Variants in ELP3 observed in about 807,000 individuals in gnomAD.
ELP3 encodes elongator complex protein 3.
ELP3 carries 56 observed loss-of-function variants against 74.9 expected under a neutral mutation model. That is an observed-to-expected ratio of 0.75 (90% CI 0.60 to 0.93). The LOEUF (loss-of-function observed/expected upper bound fraction) is 0.93, where lower values mean the gene tolerates loss of function less well. Among genes scored for constraint, ELP3 ranks in the 40% least tolerant of loss-of-function variants. ELP3 has a pLI of 0.00. For missense variants in ELP3, 573 were observed against 686.5 expected, an observed-to-expected ratio of 0.83 and a Z score of 1.85; for synonymous variants, 222 against 239.8, an observed-to-expected ratio of 0.93 and a Z score of 0.68.
At chr8:28,121,324 A>ATT (rs1179833962) in intron 7 of ELP3, among the ~76,000 whole-genome samples, 1 of 137,292 alleles carries the variant, frequency 7.3e-6, no homozygotes, top group Non-Finnish European at 1.5e-5. Context: ...TATTATTATT[A>ATT]TTTTTTTTTT....
chr8:28,119,221 C>G (rs768071944), intron 7 of ELP3, among the ~76,000 whole-genome samples: 4 of 152,026 alleles, frequency 2.6e-5, no homozygotes, highest in Non-Finnish European at 4.4e-5. Context: ...TTAACATTGG[C>G]CAGAGAACAT....
chr8:28,124,142 A>C (rs1304373678), intron 7 of ELP3, among the ~76,000 whole-genome samples: 2 of 152,146 alleles, frequency 1.3e-5, no homozygotes, highest in African/African-American at 4.8e-5. Context: ...AATTCTTTAT[A>C]ATGTATTTTT....
intron 7 of ELP3, among the ~76,000 whole-genome samples, chr8:28,128,122 C>G (rs780313397): frequency 6.6e-6 from 1 of 151,990 alleles, no homozygotes; most frequent in Non-Finnish European, 1.5e-5. Context: ...TCATCCTCCC[C>G]CCAAAATTGA....
At chr8:28,092,203 G>A (rs117862956), upstream of ELP3, among the ~76,000 whole-genome samples, 838 of 151,468 alleles carry the variant, frequency 5.5e-3, 6 homozygotes, top group African/African-American at 0.019. Context: ...CAGTTTTTGC[G>A]TGACTCAGTT....
At chr8:28,178,377 C>CCTAA (rs139776193) in intron 14 of ELP3, among the ~76,000 whole-genome samples, 1,560 of 152,282 alleles carry the variant, frequency 0.01, 23 homozygotes, top group African/African-American at 0.031. Context: ...TTCCCAGTAT[C>CCTAA]CTAACTTTTT....
At chr8:28,183,935 C>A (rs1015425153) in intron 14 of ELP3, among the ~76,000 whole-genome samples, 1 of 152,216 alleles carries the variant, frequency 6.6e-6, no homozygotes, top group Non-Finnish European at 1.5e-5. Flanking sequence ...TCCAGGCAGC[C>A]TGCATGTCAG....
At position 28,144,089 on chromosome 8, in the gene ELP3, A is replaced by G. The variant is rs549356604; in HGVS notation, c.1100+6198A>G. 1.1e-4 allele frequency among the ~76,000 whole-genome samples: 17 copies of G among 152,216 alleles called. No homozygotes were observed. The South Asian group carries it at 2.9e-3, about 26-fold the overall frequency. ...CTTCTTACATCAGTTGTATGTTTAT[A>G]TTTAATTTGCCAGTCATGAAATTTG... On this transcript the variant is annotated intron_variant, in intron 10 of 14. Coordinates refer to ENST00000256398, the MANE Select transcript of ELP3 (RefSeq NM_018091.6).
chr8:28,166,422 C>G (rs1814309033), intron 14 of ELP3, among the ~76,000 whole-genome samples: 1 of 152,206 alleles, frequency 6.6e-6, no homozygotes, highest in African/African-American at 2.4e-5. Context: ...CAGCTAATTG[C>G]TGCTAAATAT....
intron 10 of ELP3, among the ~76,000 whole-genome samples, chr8:28,143,974 G>C (rs968343129): frequency 6.6e-6 from 1 of 152,076 alleles, no homozygotes; most frequent in African/African-American, 2.4e-5. Context: ...CTATAGAATT[G>C]GGTGCTTTAT....
In ELP3 at chr8:28,166,990, G is replaced by A. The variant is rs1814331552; in HGVS notation, c.1567+4912G>A. Among the ~76,000 whole-genome samples, 4 of 152,170 alleles carry A rather than the reference G, an allele frequency of 2.6e-5. No individual in the cohort carries two copies. The South Asian group carries it at 8.3e-4, about 32-fold the overall frequency. Reference sequence around the variant, plus strand: ...AAGTAGAAAATTAATATGGCCATTGGCCAAGAATCGTACAAGGCCGATGGA... The same window carrying A: ...AAGTAGAAAATTAATATGGCCATTGACCAAGAATCGTACAAGGCCGATGGA... On this transcript the variant is annotated intron_variant, in intron 14 of 14. Transcript: ENST00000256398.
At chr8:28,170,907 AT>A (rs199572075) in intron 14 of ELP3, among the ~76,000 whole-genome samples, 1 of 151,634 alleles carries the variant, frequency 6.6e-6, no homozygotes, top group Admixed American at 6.6e-5. Flanking sequence ...CCTCTAATCT[AT>A]TTTCTGTCTC....
rs556260799 is a variant in ELP3 at position 28,110,649 on chromosome 8, A to C, written c.462+211A>C. ...TCTTTAAAGACTGTATTTATTGTTT[A>C]AGGGTTTTATATTCTCTAAGTTTTT... is the stretch of plus-strand genomic sequence containing the variant. On this transcript the variant is annotated intron_variant, in intron 6 of 14. Coordinates refer to ENST00000256398, the MANE Select transcript of ELP3 (RefSeq NM_018091.6). 5 of 470,972 alleles carry C rather than the reference A, an allele frequency of 1.1e-5. No homozygotes were observed. In the Admixed American group the frequency reaches 2.0e-4, roughly 19 times the overall value. 29.2% of individuals were successfully genotyped at this position (470,972 alleles called of 1,614,324 possible).
intron 1 of ELP3, chr8:28,093,770 G>T (rs909919850): frequency 6.3e-6 from 1 of 158,390 alleles, no homozygotes; most frequent in Non-Finnish European, 1.4e-5. Flanking sequence ...CACAGGTTCT[G>T]TTCCTATTTC....
chr8:28,172,562 A>T (rs1814571719), intron 14 of ELP3, among the ~76,000 whole-genome samples: 1 of 152,056 alleles, frequency 6.6e-6, no homozygotes, highest in African/African-American at 2.4e-5. Flanking sequence ...ATTCTTTAGC[A>T]TTGCCTACAT....
At chr8:28,115,454 G>A (rs1355189037) in intron 7 of ELP3, among the ~76,000 whole-genome samples, 1 of 152,126 alleles carries the variant, frequency 6.6e-6, no homozygotes, top group Non-Finnish European at 1.5e-5. Flanking sequence ...GCAGAATAAT[G>A]GTCATCATAG....
chr8:28,125,686 A>G (rs1298798924), intron 7 of ELP3, among the ~76,000 whole-genome samples: 1 of 151,394 alleles, frequency 6.6e-6, no homozygotes, highest in East Asian at 1.9e-4. Flanking sequence ...AAATAGAAAC[A>G]TGCTTCCCAA....
At chr8:28,133,553 T>G (rs950808971) in intron 9 of ELP3, among the ~76,000 whole-genome samples, 6 of 152,152 alleles carry the variant, frequency 3.9e-5, no homozygotes, top group African/African-American at 1.4e-4. Context: ...ATGTTAACTT[T>G]GTTGTGGGAA....
At position 28,189,680 on chromosome 8, in the gene ELP3, C is replaced by A. The variant is rs200394460; in HGVS notation, c.1599C>A (p.Ile533=). 4 of 1,613,932 alleles carry A rather than the reference C, an allele frequency of 2.5e-6. No individual in the cohort carries two copies. Among genetic ancestry groups the A allele is most frequent in the South Asian group, 1.1e-5 (1 of 91,056 alleles). Residue 533 remains isoleucine, a synonymous_variant, in exon 15 of 15, where the codon ATC becomes ATA. Coordinates refer to ENST00000256398, the MANE Select transcript of ELP3 (RefSeq NM_018091.6). The part of the protein sequence containing the change: ...GVGTRNYYRK[I]GYRLQGPYMV... ...GCACCAGGAATTATTATAGAAAGATCGGCTACAGATTACAAGGCCCGTACA... is the reference window on the plus strand; with the variant it reads ...GCACCAGGAATTATTATAGAAAGATAGGCTACAGATTACAAGGCCCGTACA...
At chr8:28,134,724 C>A (rs1368961950) in intron 9 of ELP3, among the ~76,000 whole-genome samples, 1 of 152,146 alleles carries the variant, frequency 6.6e-6, no homozygotes, top group African/African-American at 2.4e-5. Flanking sequence ...TTCTACAGCA[C>A]CTTGGTCTTG....
Sources: allele counts gnomAD v4.1 joint callset (sites outside exome capture counted in the v4.1 genomes callset), GRCh38; gene constraint gnomAD v4.1.1; transcripts MANE v1.5; gene names NCBI Gene and HGNC (gene_info 2026-07-23, HGNC 2026-07-21).